Variants in MTOR observed in about 807,000 individuals in gnomAD.
The protein encoded by MTOR is mechanistic target of rapamycin kinase.
MTOR carries 70 observed loss-of-function variants against 319.8 expected under a neutral mutation model. The observed-to-expected ratio is 0.22, with a 90% CI of 0.18 to 0.27. MTOR has a LOEUF of 0.27. Among genes scored for constraint, MTOR ranks in the 10% least tolerant of loss-of-function variants. The pLI is 1.00. For missense variants in MTOR, 1,890 were observed against 3,274.4 expected (o/e 0.58, Z 10.32); for synonymous variants, 1,183 against 1,211.4 (o/e 0.98, Z 0.49).
At chr1:11,215,427 T>C (rs1237015188) in intron 20 of MTOR, among the ~76,000 whole-genome samples, 2 of 152,194 alleles carry the variant, frequency 1.3e-5, no homozygotes, top group African/African-American at 4.8e-5. Flanking sequence ...TTGATTTTAG[T>C]CCTGCTAAAA....
Position 11,167,526 on chromosome 1 carries a change from A to C in MTOR, c.4254-9T>G. ...GTAGCTTATTATTAATGCTGAGAAA[A>C]CAAAGGGAAAAGGTAGTTACACTCA... On this transcript the variant is annotated splice_polypyrimidine_tract_variant and intron_variant, in intron 28 of 57. Coordinates refer to ENST00000361445, the MANE Select transcript of MTOR (RefSeq NM_004958.4). The C allele has an allele frequency of 6.2e-7, 1 of 1,609,322 alleles. No homozygotes were observed. The highest frequency in any genetic ancestry group is 8.5e-7 in the Non-Finnish European group (1 of 1,179,254).
chr1:11,192,223 G>A, intron 28 of MTOR: 1 of 1,377,210 alleles, frequency 7.3e-7, no homozygotes, highest in Non-Finnish European at 1.0e-6. Context: ...CAACTCAGAT[G>A]GAGCCACTGG....
At chr1:11,130,853 G>C in intron 38 of MTOR, 76 bp from the exon 39 acceptor site, 2 of 1,498,778 alleles carry the variant, frequency 1.3e-6, no homozygotes, top group Non-Finnish European at 1.8e-6. Flanking sequence ...CAAGGTCGAT[G>C]CTGAGGAACA....
intron 8 of MTOR, among the ~76,000 whole-genome samples, chr1:11,245,259 G>T (rs6686835): frequency 2.6e-5 from 4 of 151,956 alleles, no homozygotes; most frequent in Non-Finnish European, 5.9e-5. Flanking sequence ...CTTGCTTCTT[G>T]TCTATTTATT....
At chr1:11,232,150 C>G (rs1021422023) in intron 16 of MTOR, among the ~76,000 whole-genome samples, 2 of 152,196 alleles carry the variant, frequency 1.3e-5, no homozygotes, top group African/African-American at 4.8e-5. Flanking sequence ...TTCTTTTTCC[C>G]TCTGAGAGCT....
In MTOR at chr1:11,129,046, G is replaced by C; in HGVS notation, c.5715-95C>G. ...AAGGCTCCTGAGAAGAGAGCTGGCA[G>C]GGACTCCAACCAGTAACTCTCAAAT... On this transcript the variant is annotated intron_variant, in intron 40 of 57. Coordinates refer to ENST00000361445, the MANE Select transcript of MTOR (RefSeq NM_004958.4). The surrounding 1 kb of genome is among the most constrained non-coding windows in gnomAD (Gnocchi z 4.7). 9.9e-7 allele frequency: 1 copy of C among 1,008,676 alleles called. No individual in the cohort carries two copies. Among genetic ancestry groups the C allele is most frequent in the Non-Finnish European group, 1.5e-6 (1 of 664,122 alleles). The allele number at this position is 1,008,676 out of a possible 1,614,324, so 62.5% of individuals were successfully genotyped here.
intron 28 of MTOR, chr1:11,193,810 G>C (rs1016034503): frequency 6.2e-7 from 1 of 1,608,376 alleles, no homozygotes; most frequent in Non-Finnish European, 8.5e-7. Context: ...GACTGGACCA[G>C]TGCCACCACA....
chr1:11,122,673 A>G (rs1185736208), intron 47 of MTOR, among the ~76,000 whole-genome samples: 1 of 151,456 alleles, frequency 6.6e-6, no homozygotes, highest in Non-Finnish European at 1.5e-5. Flanking sequence ...ACACCCGGCT[A>G]ATTTTTTGTA....
In MTOR at chr1:11,108,736, GA is replaced by G. The variant is rs1402759681; in HGVS notation, c.7529-451del. ...TCAAAAAAAAAAAAAAAAAAGAAAA[GA>G]AAAAAAGAAAAATTCGGCCGGGTGC... On this transcript the variant is annotated intron_variant, in intron 56 of 57. Transcript: ENST00000361445. 1.2e-3 allele frequency among the ~76,000 whole-genome samples: 163 copies of G among 140,764 alleles called. 1 individual carries two copies. Among genetic ancestry groups the G allele is most frequent in the South Asian group, 4.9e-3 (21 of 4,314 alleles). The allele number at this position is 140,764 out of a possible 152,430, so 92.3% of individuals were successfully genotyped here.
At chr1:11,165,988 T>C (rs1229796982) in intron 29 of MTOR, among the ~76,000 whole-genome samples, 3 of 152,268 alleles carry the variant, frequency 2.0e-5, no homozygotes, top group African/African-American at 7.2e-5. Context: ...AAACAAGCAA[T>C]GGGGGAAGGA....
At position 11,126,700 on chromosome 1, in the gene MTOR, T is replaced by C. The variant is rs1416703666; in HGVS notation, c.6448A>G (p.Ile2150Val). ...VPGTYDPNQP[I>V]IRIQSIAPSL... ...GGTGCTATGGACTGAATGCGAATGA[T>C]TGGCTGGTTGGGGTCATATGTTCCT... Residue 2150 changes from isoleucine (I) to valine (V), a missense_variant, in exon 46 of 58, where the codon ATC becomes GTC. Transcript: ENST00000361445. 5 of 1,613,918 alleles carry C rather than the reference T, an allele frequency of 3.1e-6. No homozygotes were observed. Among genetic ancestry groups the C allele is most frequent in the East Asian group, 2.2e-5 (1 of 44,874 alleles).
chr1:11,243,713 G>A (rs1487372624), intron 8 of MTOR, among the ~76,000 whole-genome samples: 4 of 149,444 alleles, frequency 2.7e-5, no homozygotes, highest in African/African-American at 9.8e-5. Context: ...CCCAAAAAAC[G>A]TAAAAGGTTG....
intron 10 of MTOR, 25 bp downstream of exon 10, chr1:11,241,528 G>A (rs2100914532): frequency 6.3e-7 from 1 of 1,599,244 alleles, no homozygotes; most frequent in Non-Finnish European, 8.5e-7. Flanking sequence ...CTGATACAGG[G>A]CAAGCTCAGG....
At chr1:11,114,223 G>C (rs923898110) in intron 53 of MTOR, 95 bp downstream of exon 53, 1 of 1,504,720 alleles carries the variant, frequency 6.6e-7, no homozygotes, top group African/African-American at 1.4e-5. Flanking sequence ...TCGAACTCCT[G>C]GCCTCAAGCA....
intron 28 of MTOR, among the ~76,000 whole-genome samples, chr1:11,185,498 C>T (rs1020325892): frequency 1.2e-4 from 18 of 151,682 alleles, no homozygotes; most frequent in African/African-American, 2.7e-4. Context: ...CCTAGCTACT[C>T]GGGAGGCTGA....
In MTOR at chr1:11,129,265, G is replaced by A. The variant is rs1043747723; in HGVS notation, c.5715-314C>T. On this transcript the variant is annotated intron_variant, in intron 40 of 57. Coordinates refer to ENST00000361445, the MANE Select transcript of MTOR (RefSeq NM_004958.4). The surrounding 1 kb of genome is among the most constrained non-coding windows in gnomAD (Gnocchi z 4.7). ...CCACAAGTCTGCACATGTAAGAGTC[G>A]CTGTACGGCAGAGGCAACAGGGACA... Among the ~76,000 whole-genome samples the A allele has an allele frequency of 2.0e-5, 3 of 152,210 alleles. No individual in the cohort carries two copies. The highest frequency in any genetic ancestry group is 6.5e-5 in the Admixed American group (1 of 15,288).
chr1:11,126,813 A>C lies in MTOR; in HGVS notation c.6352-17T>G. ...GGATGTGAGCTGTAAATAATTACCA[A>C]AGGATTTAGTGTTCTGCCTCCAGGG... On this transcript the variant is annotated splice_polypyrimidine_tract_variant and intron_variant, in intron 45 of 57. Transcript: ENST00000361445. The C allele has an allele frequency of 6.2e-7, 1 of 1,611,838 alleles. No individual in the cohort carries two copies. The highest frequency in any genetic ancestry group is 8.5e-7 in the Non-Finnish European group (1 of 1,179,002).
At chr1:11,113,341 C>A (rs184613253) in intron 53 of MTOR, among the ~76,000 whole-genome samples, 37 of 152,012 alleles carry the variant, frequency 2.4e-4, no homozygotes, top group Non-Finnish European at 4.7e-4. Context: ...TTGGTTAATA[C>A]TGAAGAATAT....
At chr1:11,135,596 G>A (rs1643365811) in intron 36 of MTOR, among the ~76,000 whole-genome samples, 1 of 152,190 alleles carries the variant, frequency 6.6e-6, no homozygotes, top group Non-Finnish European at 1.5e-5. Flanking sequence ...CACTTTAGGA[G>A]GCCGAGGCGG....
Sources: gnomAD v4.1 joint callset for allele counts (sites outside exome capture counted in the v4.1 genomes callset) on GRCh38, gnomAD v4.1.1 for gene constraint, Gnocchi (gnomAD v3.1) non-coding constraint, MANE v1.5 for transcripts, NCBI Gene and HGNC (gene_info 2026-07-23, HGNC 2026-07-21) for gene names.